HMCN1: variants seen among roughly 807,000 people sequenced by gnomAD.
HMCN1 encodes hemicentin-1.
Under a neutral mutation model 625.9 loss-of-function variants are expected in HMCN1, and 321 were observed. That is an observed-to-expected ratio of 0.51 (90% CI 0.47 to 0.56). The LOEUF is 0.56. Ranked by LOEUF, HMCN1 falls within the 20% of genes least tolerant of loss-of-function variation. The pLI, the probability that HMCN1 is intolerant of heterozygous loss-of-function variation, is 0.00. For missense variants in HMCN1, 6,588 were observed against 6,887.3 expected, an observed-to-expected ratio of 0.96 and a Z score of 1.54; for synonymous variants, 2,425 against 2,417.6, an observed-to-expected ratio of 1.00 and a Z score of -0.09.
chr1:186,181,203 T>C (rs532314574), intron 104 of HMCN1, among the ~76,000 whole-genome samples: 1 of 152,290 alleles, frequency 6.6e-6, no homozygotes, highest in East Asian at 1.9e-4. Context: ...ACACAAGTCA[T>C]AGAATCAACA....
intron 57 of HMCN1, among the ~76,000 whole-genome samples, chr1:186,084,573 T>C (rs1172666900): frequency 6.6e-6 from 1 of 152,134 alleles, no homozygotes; most frequent in African/African-American, 2.4e-5. Flanking sequence ...TTGCTTCTTT[T>C]GTACTCCTTC....
intron 86 of HMCN1, among the ~76,000 whole-genome samples, chr1:186,133,547 C>G (rs1366485551): frequency 1.3e-5 from 2 of 152,148 alleles, no homozygotes; most frequent in Admixed American, 1.3e-4. Flanking sequence ...GACAATGTCA[C>G]TGGGTTGAGA....
Position 185,752,129 on chromosome 1 carries a change from T to C in HMCN1, c.268+17082T>C, listed in dbSNP as rs1470665404. Among the ~76,000 whole-genome samples, 3 of 152,184 alleles carry C rather than the reference T, an allele frequency of 2.0e-5. No homozygotes were observed. The East Asian group carries it at 5.8e-4, about 29-fold the overall frequency. Reference sequence around the variant, plus strand: ...AGCTTGTGGACTAATTTTTGGGCTTTGGATTCCGGTGCTGTACAGCTAGTA... The same window carrying C: ...AGCTTGTGGACTAATTTTTGGGCTTCGGATTCCGGTGCTGTACAGCTAGTA... On this transcript the variant is annotated intron_variant, in intron 1 of 106. Coordinates refer to ENST00000271588, the MANE Select transcript of HMCN1 (RefSeq NM_031935.3).
intron 89 of HMCN1, among the ~76,000 whole-genome samples, chr1:186,142,248 A>G (rs7516516): frequency 0.46 from 70,570 of 152,040 alleles, 18,034 homozygotes; most frequent in African/African-American, 0.67. Context: ...AAGTGAGAAC[A>G]TGCAGTATTT....
intron 1 of HMCN1, among the ~76,000 whole-genome samples, chr1:185,829,324 C>T (rs1299422596): frequency 6.6e-6 from 1 of 151,332 alleles, no homozygotes; most frequent in Non-Finnish European, 1.5e-5. Flanking sequence ...GTGTACAGAA[C>T]GTGCAGGTTT....
At chr1:185,853,657 T>C (rs2102333874) in intron 2 of HMCN1, among the ~76,000 whole-genome samples, 1 of 152,148 alleles carries the variant, frequency 6.6e-6, no homozygotes, top group East Asian at 1.9e-4. Context: ...TTTGACCCTT[T>C]TTTAGGTATC....
rs561017959 is a variant in HMCN1 at position 185,999,692 on chromosome 1, A to G, written c.3875-353A>G. Among the ~76,000 whole-genome samples the G allele has an allele frequency of 7.9e-5, 12 of 151,926 alleles. No individual in the cohort carries two copies. The East Asian group carries it at 2.3e-3, about 29-fold the overall frequency. ...CTTATTTTTGCTCTGTCTTTATTTC[A>G]CCCTAAAACTCTCCCCACATCCAGT... is the stretch of plus-strand genomic sequence containing the variant. On this transcript the variant is annotated intron_variant, in intron 25 of 106. Transcript: ENST00000271588.
intron 77 of HMCN1, 78 bp from the exon 78 acceptor site, chr1:186,119,113 C>T (rs1467866689): frequency 1.9e-6 from 2 of 1,053,880 alleles, no homozygotes; most frequent in African/African-American, 3.1e-5. Flanking sequence ...GCAGAAAACA[C>T]ACAAAAGAGA....
At position 186,166,322 on chromosome 1, in the gene HMCN1, C is replaced by G. The variant is rs747596578; in HGVS notation, c.15439+19C>G. The G allele has an allele frequency of 1.2e-6, 2 of 1,613,934 alleles. No homozygotes were observed. Among genetic ancestry groups the G allele is most frequent in the Admixed American group, 3.3e-5 (2 of 59,978 alleles). On this transcript the variant is annotated intron_variant, in intron 99 of 106. Transcript: ENST00000271588. ...TGTCAAGGTATTCACAAATCTAATA[C>G]ACACATTTAAGCAATGGGTCAAGGA...
intron 36 of HMCN1, among the ~76,000 whole-genome samples, chr1:186,037,508 T>G (rs1160577463): frequency 1.3e-5 from 2 of 152,270 alleles, no homozygotes; most frequent in East Asian, 3.9e-4. Flanking sequence ...TTTTCTGAAA[T>G]AGCTTAAGAC....
intron 29 of HMCN1, among the ~76,000 whole-genome samples, chr1:186,005,226 T>C (rs1215983581): frequency 7.8e-6 from 1 of 127,708 alleles, no homozygotes; most frequent in East Asian, 2.8e-4. Flanking sequence ...TATAAACAAT[T>C]TTTTAATTGT....
At chr1:185,835,808 A>C (rs965202852) in intron 1 of HMCN1, among the ~76,000 whole-genome samples, 1 of 152,168 alleles carries the variant, frequency 6.6e-6, no homozygotes, top group Non-Finnish European at 1.5e-5. Flanking sequence ...TAATTGCAAC[A>C]GTATATATAG....
In HMCN1 at chr1:186,173,660, A is replaced by G. The variant is rs963993216; in HGVS notation, c.15815-854A>G. 9.4e-4 allele frequency among the ~76,000 whole-genome samples: 142 copies of G among 151,204 alleles called. 1 individual carries two copies. The highest frequency in any genetic ancestry group is 3.4e-3 in the African/African-American group (139 of 41,142). On this transcript the variant is annotated intron_variant, in intron 102 of 106. Transcript: ENST00000271588. ...CATCTCAAAAAAAAAAAAAAAGAAA[A>G]AAGAAAAAAAAAAAGTAGCAGCCAA...
intron 40 of HMCN1, among the ~76,000 whole-genome samples, chr1:186,045,484 G>A (rs1656498983): frequency 6.6e-6 from 1 of 152,164 alleles, no homozygotes; most frequent in African/African-American, 2.4e-5. Context: ...TAAGAAGTTA[G>A]TGAGAAATAT....
chr1:185,814,696 A>ATT (rs57781378), intron 1 of HMCN1, among the ~76,000 whole-genome samples: 2 of 145,838 alleles, frequency 1.4e-5, no homozygotes, highest in African/African-American at 5.3e-5. Context: ...ATTATTATTT[A>ATT]TTTTTTTTTT....
intron 105 of HMCN1, among the ~76,000 whole-genome samples, chr1:186,186,638 A>G (rs1257659848): frequency 6.6e-6 from 1 of 152,180 alleles, no homozygotes; most frequent in Non-Finnish European, 1.5e-5. Context: ...TTCTCTGTTT[A>G]TCCTCTGAGA....
intron 1 of HMCN1, among the ~76,000 whole-genome samples, chr1:185,815,417 C>T (rs1231116149): frequency 6.7e-6 from 1 of 150,044 alleles, no homozygotes; most frequent in Non-Finnish European, 1.5e-5. Flanking sequence ...CTTATAATCA[C>T]TTAGGATTCT....
intron 78 of HMCN1, 74 bp downstream of exon 78, chr1:186,119,372 G>T (rs1661287222): frequency 1.9e-6 from 2 of 1,077,302 alleles, no homozygotes; most frequent in East Asian, 2.4e-5. Context: ...ATTCTGAAAG[G>T]TGGTAGGTAC....
chr1:185,779,102 A>G (rs1656851688), intron 1 of HMCN1, among the ~76,000 whole-genome samples: 2 of 152,262 alleles, frequency 1.3e-5, no homozygotes, highest in South Asian at 4.2e-4. Context: ...GCCAGTGATG[A>G]TGAGCATTTT....
Sources: gnomAD v4.1 joint callset for allele counts (sites outside exome capture counted in the v4.1 genomes callset) on GRCh38, gnomAD v4.1.1 for gene constraint, MANE v1.5 for transcripts, NCBI Gene and HGNC (gene_info 2026-07-23, HGNC 2026-07-21) for gene names.